The following LRRFIP2 variants were observed in gnomAD, a reference collection of about 807,000 sequenced individuals.
The protein encoded by LRRFIP2 is leucine-rich repeat flightless-interacting protein 2.
A neutral mutation model predicts 125.9 loss-of-function variants in LRRFIP2; 109 were observed. The observed-to-expected ratio is 0.87, with a 90% confidence interval of 0.74 to 1.01. The LOEUF (loss-of-function observed/expected upper bound fraction) is 1.01, where lower values mean the gene tolerates loss of function less well. LRRFIP2 is among the 50% of genes least tolerant of loss of function. The probability of loss-of-function intolerance (pLI) is 0.00; values close to 1 mark genes in which losing one functional copy is unlikely to be tolerated. For synonymous variants in LRRFIP2, 291 were observed against 293.1 expected (o/e 0.99, Z 0.07); for missense variants, 850 against 862.3 (o/e 0.99, Z 0.18).
intron 1 of LRRFIP2, among the ~76,000 whole-genome samples, chr3:37,166,167 T>C (rs1308590911): frequency 2.0e-5 from 3 of 151,806 alleles, no homozygotes; most frequent in Non-Finnish European, 2.9e-5. Flanking sequence ...CCGTCTCTAC[T>C]AAAAATACAA....
chr3:37,054,751 T>C (rs2148577178), intron 26 of LRRFIP2, among the ~76,000 whole-genome samples: 1 of 152,342 alleles, frequency 6.6e-6, no homozygotes, highest in Middle Eastern at 3.4e-3. Context: ...CTAAGTTTTA[T>C]TATGACCATA....
intron 6 of LRRFIP2, among the ~76,000 whole-genome samples, chr3:37,117,267 CA>C (rs2094834094): frequency 6.6e-6 from 1 of 152,044 alleles, no homozygotes; most frequent in African/African-American, 2.4e-5. Context: ...TCTATAGCAC[CA>C]GTGGCATTTT....
chr3:37,061,659 T>C (rs569138545), intron 24 of LRRFIP2, among the ~76,000 whole-genome samples: 1 of 152,254 alleles, frequency 6.6e-6, no homozygotes, highest in South Asian at 2.1e-4. Flanking sequence ...AGTGCTGGGA[T>C]TACAGGCATG....
At chr3:37,157,750 A>G (rs2096240985) in intron 1 of LRRFIP2, among the ~76,000 whole-genome samples, 1 of 152,242 alleles carries the variant, frequency 6.6e-6, no homozygotes, top group African/African-American at 2.4e-5. Context: ...GAACTTGGCA[A>G]AACAAGGAAA....
intron 18 of LRRFIP2, among the ~76,000 whole-genome samples, chr3:37,085,684 C>T (rs752203401): frequency 1.5e-4 from 23 of 151,372 alleles, no homozygotes; most frequent in Non-Finnish European, 2.9e-4. Flanking sequence ...CGGGTTCACG[C>T]GATTCTCCTG....
chr3:37,134,651 A>C (rs1189412506), intron 2 of LRRFIP2: 3 of 637,504 alleles, frequency 4.7e-6, no homozygotes, highest in South Asian at 2.7e-5. Flanking sequence ...GATGACAAGC[A>C]CATACTATGG....
rs1309019526 is a variant in LRRFIP2, at chr3:37,053,821, G to A, written c.*30C>T. ...CAGTCCCTCTAGGTAGGGCCCCAAG[G>A]AGCATCACCCAGGTTGAAGGGTGGT... On this transcript the variant is annotated 3_prime_UTR_variant, in exon 28 of 28. Transcript: ENST00000336686. The A allele has an allele frequency of 1.4e-6, 2 of 1,454,728 alleles. No homozygotes were observed. The highest frequency in any genetic ancestry group is 2.3e-5 in the East Asian group (1 of 44,164). The allele number at this position is 1,454,728 out of a possible 1,614,324, so 90.1% of individuals were successfully genotyped here. A position where few individuals can be genotyped will look rare whatever the true frequency, so the allele number is the denominator to read the frequency against.
At chr3:37,128,898 A>G (rs1316309728) in intron 3 of LRRFIP2, among the ~76,000 whole-genome samples, 165 bp downstream of exon 3, 1 of 152,214 alleles carries the variant, frequency 6.6e-6, no homozygotes, top group Non-Finnish European at 1.5e-5. Flanking sequence ...CTTAAAACAA[A>G]TATCACATTT....
chr3:37,114,699 C>T (rs1337825431), intron 7 of LRRFIP2, among the ~76,000 whole-genome samples: 5 of 151,860 alleles, frequency 3.3e-5, no homozygotes, highest in Non-Finnish European at 5.9e-5. Context: ...GTGGGAGGAT[C>T]CCTTGAATCC....
intron 18 of LRRFIP2, 28 bp from the exon 19 acceptor site, chr3:37,083,834 A>G: frequency 6.5e-7 from 1 of 1,531,268 alleles, no homozygotes; most frequent in East Asian, 2.4e-5. Context: ...CATCAGTCTG[A>G]TATCTAAAAT....
chr3:37,065,583 C>T, intron 23 of LRRFIP2: 1 of 673,954 alleles, frequency 1.5e-6, no homozygotes. Context: ...TACTTCCATC[C>T]ACAGGCCTTA....
chr3:37,091,863 C>A (rs974532753), intron 17 of LRRFIP2, among the ~76,000 whole-genome samples: 4 of 152,120 alleles, frequency 2.6e-5, no homozygotes, highest in Non-Finnish European at 4.4e-5. Flanking sequence ...TAAAATCATA[C>A]AACTTTTAAT....
intron 1 of LRRFIP2, among the ~76,000 whole-genome samples, chr3:37,156,323 T>A (rs116655040): frequency 0.065 from 9,551 of 147,880 alleles, 354 homozygotes; most frequent in African/African-American, 0.11. Context: ...TTAAAAAAAA[T>A]TTTTTTTTTA....
chr3:37,104,769 A>T (rs2094233857), intron 14 of LRRFIP2, among the ~76,000 whole-genome samples: 1 of 152,176 alleles, frequency 6.6e-6, no homozygotes, highest in Non-Finnish European at 1.5e-5. Context: ...TTGCCTCTAC[A>T]ATTATTATCC....
chr3:37,105,566 C>T, intron 13 of LRRFIP2, 43 bp from the exon 14 acceptor site: 1 of 1,471,412 alleles, frequency 6.8e-7, no homozygotes, highest in Non-Finnish European at 9.5e-7. Context: ...TGCAATTTTG[C>T]TATGGTGTTA....
chr3:37,068,209 G>C (rs1305833863), intron 21 of LRRFIP2: 1 of 152,126 alleles, frequency 6.6e-6, no homozygotes, highest in African/African-American at 2.4e-5. Flanking sequence ...TATGGATTAG[G>C]TATTTTTGGT....
chr3:37,150,723 T>G (rs1369635084), intron 1 of LRRFIP2, among the ~76,000 whole-genome samples: 1 of 152,172 alleles, frequency 6.6e-6, no homozygotes, highest in Non-Finnish European at 1.5e-5. Flanking sequence ...TTAAAAAATT[T>G]TTGACTTGCT....
intron 4 of LRRFIP2, among the ~76,000 whole-genome samples, chr3:37,122,925 T>C (rs1052779067): frequency 1.3e-5 from 2 of 152,224 alleles, no homozygotes; most frequent in African/African-American, 4.8e-5. Context: ...CTTTCAGAAT[T>C]TCAAGTCCAA....
At chr3:37,165,151 C>T (rs1476639944) in intron 1 of LRRFIP2, among the ~76,000 whole-genome samples, 9 of 151,466 alleles carry the variant, frequency 5.9e-5, no homozygotes, top group South Asian at 2.1e-4. Flanking sequence ...AGGAGAATGG[C>T]GTGAACCTGG....
Sources: allele counts gnomAD v4.1 joint callset (sites outside exome capture counted in the v4.1 genomes callset), GRCh38; gene constraint gnomAD v4.1.1; transcripts MANE v1.5; gene names NCBI Gene and HGNC (gene_info 2026-07-23, HGNC 2026-07-21).